The following HIVEP2 variants were observed in gnomAD, a reference collection of about 807,000 sequenced individuals.
HIVEP2 encodes the protein transcription factor HIVEP2.
A neutral mutation model predicts 180.7 loss-of-function variants in HIVEP2; 14 were observed. The observed-to-expected ratio is 0.08, with a 90% CI of 0.05 to 0.12. The LOEUF is 0.12. Ranked by LOEUF, HIVEP2 falls within the 10% of genes least tolerant of loss-of-function variation. HIVEP2 has a pLI of 1.00. For missense variants in HIVEP2, 2,579 were observed against 3,008.5 expected (o/e 0.86, Z 3.34); for synonymous variants, 1,184 against 1,136.4 (o/e 1.04, Z -0.84).
chr6:142,753,110 AT>A lies in HIVEP2; in HGVS notation c.7337del (p.His2446LeufsTer4). On this transcript the variant is annotated frameshift_variant, in exon 10 of 10. Transcript: ENST00000367603. LOFTEE classifies it high-confidence loss of function. ...GAAAGTCTCCATGCATCATAGATCAATGTAGCTGACTCTTTTCTGATGAAGG... is the reference window on the plus strand; with the variant it reads ...GAAAGTCTCCATGCATCATAGATCAAGTAGCTGACTCTTTTCTGATGAAGG... ...KDPSSEKSQL[H>X] The A allele has an allele frequency of 1.3e-6, 2 of 1,570,712 alleles. No homozygotes were observed. Among genetic ancestry groups the A allele is most frequent in the Admixed American group, 1.7e-5 (1 of 59,966 alleles).
Position 142,773,228 on chromosome 6 carries a change from T to G in HIVEP2, c.1511A>C (p.Gln504Pro), listed in dbSNP as rs2114660337. 1 of 1,614,232 alleles carries G rather than the reference T, an allele frequency of 6.2e-7. No homozygotes were observed. The highest frequency in any genetic ancestry group is 2.2e-5 in the East Asian group (1 of 44,882). The change falls in exon 5 of 10, where the codon CAA becomes CCA. Residue 504 changes from glutamine (Q) to proline (P), a missense_variant. Coordinates refer to ENST00000367603, the MANE Select transcript of HIVEP2 (RefSeq NM_006734.4). ...GATAGATGATGGAATAATCTGGGGTTGTCTGGACTCACTGTTGAACTTAGT... is the reference window on the plus strand; with the variant it reads ...GATAGATGATGGAATAATCTGGGGTGGTCTGGACTCACTGTTGAACTTAGT... ...KSTKFNSESR[Q>P]PQIIPSSIRN...
At chr6:142,884,959 C>G (rs2128418381) in intron 1 of HIVEP2, among the ~76,000 whole-genome samples, 1 of 152,260 alleles carries the variant, frequency 6.6e-6, no homozygotes, top group East Asian at 1.9e-4. Flanking sequence ...AAAATCACCT[C>G]CAGATAGATA....
chr6:142,753,197 G>A lies in HIVEP2; in HGVS notation c.7251C>T (p.Asp2417=). The part of the protein sequence containing the change: ...STFYSKSCVD[D]KQLDFHSSKE... The stretch of plus-strand genomic sequence containing the variant: ...TGCTGCTGTGAAAGTCCAACTGCTT[G>A]TCATCCACACAACTCTTGCTGTAAA... The change falls in exon 10 of 10, where the codon GAC becomes GAT. Residue 2417 remains aspartate, a synonymous_variant. Coordinates refer to ENST00000367603, the MANE Select transcript of HIVEP2 (RefSeq NM_006734.4). 1 of 1,613,890 alleles carries A rather than the reference G, an allele frequency of 6.2e-7. No individual in the cohort carries two copies. Among genetic ancestry groups the A allele is most frequent in the Non-Finnish European group, 8.5e-7 (1 of 1,179,746 alleles).
At chr6:142,860,264 T>A (rs952986441) in intron 1 of HIVEP2, among the ~76,000 whole-genome samples, 3 of 152,196 alleles carry the variant, frequency 2.0e-5, no homozygotes, top group Admixed American at 6.5e-5. Context: ...AAGGAAAATA[T>A]ATGTATATTT....
At chr6:142,895,365 T>C (rs748483844) in intron 1 of HIVEP2, among the ~76,000 whole-genome samples, 92 of 152,214 alleles carry the variant, frequency 6.0e-4, no homozygotes, top group Non-Finnish European at 1.2e-3. Flanking sequence ...TCATCTTTTT[T>C]TCCTTCCTGG....
chr6:142,916,841 G>T (rs533634098), intron 1 of HIVEP2, among the ~76,000 whole-genome samples: 2 of 152,248 alleles, frequency 1.3e-5, no homozygotes, highest in Admixed American at 1.3e-4. Flanking sequence ...ATAAGTATTT[G>T]TTAAATAATC....
rs774821538 is a variant in HIVEP2 at position 142,771,708 on chromosome 6, C to A, written c.3031G>T (p.Ala1011Ser). ...GKHSEFLTVP[A>S]GSYSLSVPGH... is the part of the protein sequence containing the mutation. The stretch of plus-strand genomic sequence containing the variant: ...GGGACAGACAATGAGTATGAACCAG[C>A]AGGGACAGTCAGAAACTCTGAATGC... The change falls in exon 5 of 10, where the codon GCT (alanine) becomes TCT (serine). Residue 1011 changes from alanine (A) to serine (S), a missense_variant. Transcript: ENST00000367603. The surrounding 1 kb of genome is among the most constrained non-coding windows in gnomAD (Gnocchi z 5.4). 5 of 1,614,164 alleles carry A rather than the reference C, an allele frequency of 3.1e-6. No homozygotes were observed. The highest frequency in any genetic ancestry group is 4.2e-6 in the Non-Finnish European group (5 of 1,180,024).
At chr6:142,756,804 TC>T (rs1409301108) in intron 9 of HIVEP2, among the ~76,000 whole-genome samples, 1 of 108,494 alleles carries the variant, frequency 9.2e-6, no homozygotes, top group African/African-American at 4.0e-5. Flanking sequence ...ACCTTATCTA[TC>T]TATCTATCTA....
chr6:142,878,575 G>A (rs140262032), intron 1 of HIVEP2, among the ~76,000 whole-genome samples: 41 of 152,244 alleles, frequency 2.7e-4, no homozygotes, highest in South Asian at 2.5e-3. Flanking sequence ...AGTGGCAACC[G>A]TCTCCAAGTT....
At chr6:142,814,165 GT>G (rs1166716323) in intron 2 of HIVEP2, among the ~76,000 whole-genome samples, 1 of 152,192 alleles carries the variant, frequency 6.6e-6, no homozygotes. Context: ...CTTGAAACAT[GT>G]GCAGAAGTTC....
At chr6:142,902,922 G>A (rs906477842) in intron 1 of HIVEP2, among the ~76,000 whole-genome samples, 3 of 152,162 alleles carry the variant, frequency 2.0e-5, no homozygotes, top group Non-Finnish European at 2.9e-5. Flanking sequence ...AAACATTTGT[G>A]ATGAAACAGG....
chr6:142,762,343 C>T (rs1775264912), intron 7 of HIVEP2, among the ~76,000 whole-genome samples: 1 of 151,804 alleles, frequency 6.6e-6, no homozygotes, highest in Non-Finnish European at 1.5e-5. Context: ...TGTGTATATA[C>T]ATGTGTGGAT....
chr6:142,862,872 T>G (rs1427462322), intron 1 of HIVEP2, among the ~76,000 whole-genome samples: 1 of 129,904 alleles, frequency 7.7e-6, no homozygotes, highest in African/African-American at 3.0e-5. Context: ...TATAAATATC[T>G]ATTATATGTA....
chr6:142,782,219 C>T (rs373995963), intron 3 of HIVEP2, among the ~76,000 whole-genome samples: 8 of 152,136 alleles, frequency 5.3e-5, no homozygotes, highest in African/African-American at 1.7e-4. Flanking sequence ...AAACAAAATA[C>T]GTGTCTTATG....
At chr6:142,906,193 T>C (rs1777260877) in intron 1 of HIVEP2, among the ~76,000 whole-genome samples, 1 of 152,174 alleles carries the variant, frequency 6.6e-6, no homozygotes. Context: ...ACTGTAATTT[T>C]TAAATAACTT....
At chr6:142,914,019 G>A (rs78460590) in intron 1 of HIVEP2, among the ~76,000 whole-genome samples, 2 of 151,124 alleles carry the variant, frequency 1.3e-5, no homozygotes, top group Non-Finnish European at 2.9e-5. Context: ...AAAAAAAAAA[G>A]TGCCTGAGAT....
chr6:142,897,689 G>A (rs550230826), intron 1 of HIVEP2, among the ~76,000 whole-genome samples: 2 of 152,150 alleles, frequency 1.3e-5, no homozygotes, highest in African/African-American at 4.8e-5. Flanking sequence ...TTACCCTTGG[G>A]TTCTAACATA....
intron 1 of HIVEP2, among the ~76,000 whole-genome samples, chr6:142,901,307 C>T (rs539881513): frequency 6.6e-5 from 10 of 152,054 alleles, no homozygotes; most frequent in African/African-American, 2.2e-4. Flanking sequence ...ACACATAAAA[C>T]GTCGCATAAC....
intron 9 of HIVEP2, 53 bp downstream of exon 9, chr6:142,759,719 A>G: frequency 7.1e-7 from 1 of 1,415,084 alleles, no homozygotes; most frequent in African/African-American, 1.4e-5. Context: ...CATTATCAGG[A>G]GGACCAATGT....
Sources: allele counts gnomAD v4.1 joint callset (sites outside exome capture counted in the v4.1 genomes callset), GRCh38; gene constraint gnomAD v4.1.1; non-coding constraint Gnocchi (gnomAD v3.1); transcripts MANE v1.5; gene names NCBI Gene and HGNC (gene_info 2026-07-23, HGNC 2026-07-21).